MAP2K6: variants seen among roughly 807,000 people sequenced by gnomAD.
The protein encoded by MAP2K6 is dual specificity mitogen-activated protein kinase kinase 6.
MAP2K6 carries 16 observed loss-of-function variants against 53.7 expected under a neutral mutation model. That is an observed-to-expected ratio of 0.30 (90% CI 0.20 to 0.45). The LOEUF (loss-of-function observed/expected upper bound fraction) is 0.45. Among genes scored for constraint, MAP2K6 ranks in the 20% least tolerant of loss-of-function variants. The pLI is 1.00. For missense variants in MAP2K6, 204 were observed against 411.9 expected, an observed-to-expected ratio of 0.50 and a Z score of 4.37; for synonymous variants, 132 against 143.1, an observed-to-expected ratio of 0.92 and a Z score of 0.55.
At chr17:69,482,417 AAC>A (rs1323129301) in intron 1 of MAP2K6, among the ~76,000 whole-genome samples, 1 of 152,076 alleles carries the variant, frequency 6.6e-6, no homozygotes, top group Non-Finnish European at 1.5e-5. Flanking sequence ...ATCCACCAGC[AAC>A]AGTGTGCCTT....
chr17:69,479,652 A>G (rs952002074), intron 1 of MAP2K6, among the ~76,000 whole-genome samples: 3 of 151,936 alleles, frequency 2.0e-5, no homozygotes, highest in African/African-American at 7.3e-5. Context: ...GGCTTATGTC[A>G]CTGATTTTGC....
intron 1 of MAP2K6, chr17:69,502,620 T>C: frequency 2.0e-5 from 20 of 985,302 alleles, no homozygotes; most frequent in Non-Finnish European, 2.4e-5. Flanking sequence ...CTTATATACA[T>C]AGTCAAGGGT....
intron 1 of MAP2K6, among the ~76,000 whole-genome samples, chr17:69,455,032 ATTAT>A (rs1567823740): frequency 9.6e-5 from 5 of 52,202 alleles, no homozygotes; most frequent in Non-Finnish European, 4.4e-5. Flanking sequence ...TCTTACTATT[ATTAT>A]TTTTTTTTTT....
At chr17:69,420,841 G>C (rs1054531679) in intron 1 of MAP2K6, among the ~76,000 whole-genome samples, 3 of 152,178 alleles carry the variant, frequency 2.0e-5, no homozygotes, top group Admixed American at 6.5e-5. Flanking sequence ...ATGAGCAGGG[G>C]TTATTTTTCT....
intron 9 of MAP2K6, among the ~76,000 whole-genome samples, chr17:69,526,193 G>A (rs1019947053): frequency 6.6e-5 from 10 of 152,140 alleles, no homozygotes; most frequent in African/African-American, 1.9e-4. Context: ...GTAGATGCTC[G>A]GCTCTGGAAA....
chr17:69,539,386 C>G (rs1172309097), intron 11 of MAP2K6, among the ~76,000 whole-genome samples: 2 of 152,166 alleles, frequency 1.3e-5, no homozygotes, highest in Non-Finnish European at 2.9e-5. Flanking sequence ...TATTCATAGT[C>G]CCTCATTTGT....
At chr17:69,533,078 G>A (rs977212571) in intron 10 of MAP2K6, among the ~76,000 whole-genome samples, 4 of 152,102 alleles carry the variant, frequency 2.6e-5, no homozygotes, top group Non-Finnish European at 4.4e-5. Context: ...ACAGGCTCCT[G>A]CCACCATGCT....
intron 1 of MAP2K6, among the ~76,000 whole-genome samples, chr17:69,450,631 G>A (rs956346424): frequency 3.3e-5 from 5 of 152,090 alleles, no homozygotes; most frequent in African/African-American, 1.2e-4. Flanking sequence ...TGGGGCAACG[G>A]AATGTCTTTT....
At position 69,521,300 on chromosome 17, in the gene MAP2K6, G is replaced by C. The variant is rs369122561; in HGVS notation, c.535+200G>C. On this transcript the variant is annotated intron_variant, in intron 7 of 11. Coordinates refer to ENST00000590474, the MANE Select transcript of MAP2K6 (RefSeq NM_002758.4). ...ATGGCTGAGGACATAAGAAGAAGAC[G>C]TGATCTTTGTCTTACATCCAAATTG... 3 of 435,512 alleles carry C rather than the reference G, an allele frequency of 6.9e-6. No homozygotes were observed. The Admixed American group carries it at 1.3e-4, about 18-fold the overall frequency. The allele number at this position is 435,512 out of a possible 1,614,324, so 27.0% of individuals were successfully genotyped here. A position where few individuals can be genotyped will look rare whatever the true frequency, so the allele number is the denominator to read the frequency against.
In MAP2K6 at chr17:69,540,656, GACTTGTTATGTTTTTAGAGTTT is replaced by G. The variant is rs577203102; in HGVS notation, c.928-1012_928-991del. 3.6e-4 allele frequency among the ~76,000 whole-genome samples: 55 copies of G among 152,316 alleles called. No individual in the cohort carries two copies. The East Asian group carries it at 9.8e-3, about 27-fold the overall frequency. ...TGCTTGTTCCCCTAGCAAAGCATAAGACTTGTTATGTTTTTAGAGTTTACTTGTTCTGAGCTGTGAGGATAGA... is the reference window on the plus strand; with the variant it reads ...TGCTTGTTCCCCTAGCAAAGCATAAGACTTGTTCTGAGCTGTGAGGATAGA... On this transcript the variant is annotated intron_variant, in intron 11 of 11. Coordinates refer to ENST00000590474, the MANE Select transcript of MAP2K6 (RefSeq NM_002758.4).
In MAP2K6 at chr17:69,480,144, G is replaced by A. The variant is rs1464428780; in HGVS notation, c.17-25636G>A. 3.9e-5 allele frequency among the ~76,000 whole-genome samples: 6 copies of A among 152,034 alleles called. No homozygotes were observed. The South Asian group carries it at 1.0e-3, about 26-fold the overall frequency. On this transcript the variant is annotated intron_variant, in intron 1 of 11. Coordinates refer to ENST00000590474, the MANE Select transcript of MAP2K6 (RefSeq NM_002758.4). ...TTTTTAAAATCTTCCAGCAATTCAG[G>A]GCCTTATGTTCTGGAGAGCCGAGCA...
At position 69,414,929 on chromosome 17, in the gene MAP2K6, A is replaced by C. The variant is rs1159744376; in HGVS notation, c.-56A>C. 4 of 1,503,480 alleles carry C rather than the reference A, an allele frequency of 2.7e-6. No individual in the cohort carries two copies. The highest frequency in any genetic ancestry group is 3.7e-6 in the Non-Finnish European group (4 of 1,082,230). The allele number at this position is 1,503,480 out of a possible 1,614,324, so 93.1% of individuals were successfully genotyped here. Reference sequence around the variant, plus strand: ...TCTTTGTTGCAAAACTAGCTACAGAAGAGAAGCAAGGCAAAGTCTTTTGTG... The same window carrying C: ...TCTTTGTTGCAAAACTAGCTACAGACGAGAAGCAAGGCAAAGTCTTTTGTG... On this transcript the variant is annotated 5_prime_UTR_variant, in exon 1 of 12. Coordinates refer to ENST00000590474, the MANE Select transcript of MAP2K6 (RefSeq NM_002758.4).
In MAP2K6 at chr17:69,486,461, G is replaced by A. The variant is rs544344248; in HGVS notation, c.17-19319G>A. Among the ~76,000 whole-genome samples, 7 of 152,314 alleles carry A rather than the reference G, an allele frequency of 4.6e-5. No individual in the cohort carries two copies. The South Asian group carries it at 1.5e-3, about 32-fold the overall frequency. On this transcript the variant is annotated intron_variant, in intron 1 of 11. Coordinates refer to ENST00000590474, the MANE Select transcript of MAP2K6 (RefSeq NM_002758.4). Reference sequence around the variant, plus strand: ...CATGAAGCCAGATTTCAGAATCTCAGTGATCTTGAGTGTTTAGTCTAGTCT... The same window carrying A: ...CATGAAGCCAGATTTCAGAATCTCAATGATCTTGAGTGTTTAGTCTAGTCT...
At chr17:69,467,058 T>C (rs536508784) in intron 1 of MAP2K6, among the ~76,000 whole-genome samples, 1 of 152,340 alleles carries the variant, frequency 6.6e-6, no homozygotes, top group South Asian at 2.1e-4. Flanking sequence ...ACAATAAGAA[T>C]TGGTAATGAC....
intron 1 of MAP2K6, among the ~76,000 whole-genome samples, chr17:69,463,527 C>T (rs1907695155): frequency 6.7e-6 from 1 of 149,666 alleles, no homozygotes; most frequent in Non-Finnish European, 1.5e-5. Flanking sequence ...TATACACACG[C>T]AATCTTGGCT....
rs757131541 is a variant in MAP2K6, at chr17:69,414,745, C to G, written c.-240C>G. 3.0e-5 allele frequency: 15 copies of G among 498,864 alleles called. No individual in the cohort carries two copies. The East Asian group carries it at 4.1e-4, about 14-fold the overall frequency. 30.9% of individuals were successfully genotyped at this position (498,864 alleles called of 1,614,324 possible). ...CTGCCAGCCCTGGCCCATCATGTAG[C>G]TGCAGCACAGCCTTCCCTAACGTTG... On this transcript the variant is annotated 5_prime_UTR_variant, in exon 1 of 12. Transcript: ENST00000590474.
At chr17:69,498,762 A>G (rs2716216) in intron 1 of MAP2K6, among the ~76,000 whole-genome samples, 62,376 of 151,800 alleles carry the variant, frequency 0.41, 13,159 homozygotes, top group East Asian at 0.53. Context: ...AGTTTCCTGC[A>G]GGGAGCTTTA....
Position 69,469,530 on chromosome 17 carries a change from G to A in MAP2K6, c.17-36250G>A, listed in dbSNP as rs150054827. Reference sequence around the variant, plus strand: ...TGTAATCCCAGTGCTTTGGGAGGCCGAGGTGGGCGGATCACGAGATCAGGA... The same window carrying A: ...TGTAATCCCAGTGCTTTGGGAGGCCAAGGTGGGCGGATCACGAGATCAGGA... On this transcript the variant is annotated intron_variant, in intron 1 of 11. Transcript: ENST00000590474. Among the ~76,000 whole-genome samples, 7 of 152,272 alleles carry A rather than the reference G, an allele frequency of 4.6e-5. No individual in the cohort carries two copies. In the East Asian group the frequency reaches 1.2e-3, roughly 25 times the overall value.
chr17:69,442,928 T>G (rs1314981358), intron 1 of MAP2K6, among the ~76,000 whole-genome samples: 1 of 152,190 alleles, frequency 6.6e-6, no homozygotes, highest in South Asian at 2.1e-4. Context: ...TAATAGAGAT[T>G]CAATAATTAT....
Sources: gnomAD v4.1 joint callset for allele counts (sites outside exome capture counted in the v4.1 genomes callset) on GRCh38, gnomAD v4.1.1 for gene constraint, MANE v1.5 for transcripts, NCBI Gene and HGNC (gene_info 2026-07-23, HGNC 2026-07-21) for gene names.